PAWR: variants seen among roughly 807,000 people sequenced by gnomAD.
PAWR encodes PRKC apoptosis WT1 regulator protein.
PAWR carries 23 observed loss-of-function variants against 32.0 expected under a neutral mutation model. The ratio of observed to expected loss-of-function variants is 0.72; its 90% CI spans 0.52 to 1.02. The LOEUF is 1.02. PAWR is among the 50% of genes least tolerant of loss of function. The pLI is 0.00. For synonymous variants in PAWR, 226 were observed against 187.1 expected, an observed-to-expected ratio of 1.21 and a Z score of -1.70; for missense variants, 457 against 437.7, an observed-to-expected ratio of 1.04 and a Z score of -0.39.
At chr12:79,678,397 T>A (rs191062915) in intron 2 of PAWR, among the ~76,000 whole-genome samples, 2 of 152,358 alleles carry the variant, frequency 1.3e-5, no homozygotes, top group Admixed American at 1.3e-4. Flanking sequence ...TCACTCCCCA[T>A]CATGAATTTT....
chr12:79,679,276 A>G (rs1341012503), intron 2 of PAWR, among the ~76,000 whole-genome samples: 2 of 152,204 alleles, frequency 1.3e-5, no homozygotes, highest in African/African-American at 4.8e-5. Context: ...TTCTTATAAA[A>G]GAATCTATAA....
At chr12:79,635,199 A>C (rs1188306532) in intron 2 of PAWR, among the ~76,000 whole-genome samples, 1 of 152,082 alleles carries the variant, frequency 6.6e-6, no homozygotes, top group East Asian at 1.9e-4. Context: ...TCTCAACTGG[A>C]ACTTATTTAA....
intron 4 of PAWR, among the ~76,000 whole-genome samples, chr12:79,608,081 T>C (rs909868942): frequency 2.0e-5 from 3 of 151,836 alleles, no homozygotes; most frequent in African/African-American, 7.3e-5. Flanking sequence ...AAGTTCCATC[T>C]AGGAAAAAAA....
intron 2 of PAWR, among the ~76,000 whole-genome samples, chr12:79,622,529 T>C (rs1357959603): frequency 6.6e-6 from 1 of 152,080 alleles, no homozygotes; most frequent in African/African-American, 2.4e-5. Context: ...CATTGTTCAA[T>C]TCCCACCTAC....
intron 2 of PAWR, among the ~76,000 whole-genome samples, chr12:79,670,271 G>A (rs185462147): frequency 2.0e-5 from 3 of 152,222 alleles, no homozygotes; most frequent in Non-Finnish European, 4.4e-5. Context: ...TGCAAGTAAA[G>A]TTACTAAATT....
At chr12:79,601,271 T>C (rs1218184919) in intron 4 of PAWR, among the ~76,000 whole-genome samples, 2 of 143,216 alleles carry the variant, frequency 1.4e-5, no homozygotes, top group African/African-American at 2.6e-5. Flanking sequence ...CAGGCTGGAG[T>C]GCAGTGGACA....
At chr12:79,645,422 GA>G (rs1876529590) in intron 2 of PAWR, among the ~76,000 whole-genome samples, 1 of 152,096 alleles carries the variant, frequency 6.6e-6, no homozygotes, top group Admixed American at 6.5e-5. Flanking sequence ...AATGACACTG[GA>G]ACTGTCACTA....
intron 2 of PAWR, among the ~76,000 whole-genome samples, chr12:79,646,193 G>A (rs1021701809): frequency 1.3e-5 from 2 of 152,170 alleles, no homozygotes; most frequent in African/African-American, 2.4e-5. Flanking sequence ...ATGGGGGAAA[G>A]CTGGAGAAAT....
intron 2 of PAWR, among the ~76,000 whole-genome samples, chr12:79,662,201 C>CA (rs57565065): frequency 0.27 from 12,205 of 45,052 alleles, 2,387 homozygotes; most frequent in African/African-American, 0.49. Flanking sequence ...AGACATCTCT[C>CA]AAAAAAAAAA....
intron 4 of PAWR, among the ~76,000 whole-genome samples, chr12:79,605,415 T>C (rs1410591848): frequency 6.6e-6 from 1 of 152,146 alleles, no homozygotes; most frequent in African/African-American, 2.4e-5. Context: ...TATACATTCC[T>C]CATTATCATC....
At chr12:79,673,361 G>A (rs979968657) in intron 2 of PAWR, among the ~76,000 whole-genome samples, 25 of 152,078 alleles carry the variant, frequency 1.6e-4, no homozygotes, top group African/African-American at 4.8e-4. Flanking sequence ...GAGCCACCGC[G>A]CCCGGCCCTA....
intron 2 of PAWR, among the ~76,000 whole-genome samples, chr12:79,666,009 T>C (rs1877585464): frequency 6.6e-6 from 1 of 152,146 alleles, no homozygotes; most frequent in Non-Finnish European, 1.5e-5. Flanking sequence ...AAGCTTCCAA[T>C]CCTTTTTAGA....
chr12:79,628,400 T>A (rs562792152), intron 2 of PAWR, among the ~76,000 whole-genome samples: 1 of 151,824 alleles, frequency 6.6e-6, no homozygotes, highest in East Asian at 1.9e-4. Context: ...AATTAAAAGA[T>A]CTAGAAAAGC....
At chr12:79,613,302 A>T (rs1458517565) in intron 4 of PAWR, among the ~76,000 whole-genome samples, 1 of 152,216 alleles carries the variant, frequency 6.6e-6, no homozygotes, top group African/African-American at 2.4e-5. Context: ...TCAATGTTTA[A>T]ATACATGAGA....
intron 4 of PAWR, chr12:79,604,628 C>T (rs1448719446): frequency 1.3e-5 from 17 of 1,285,450 alleles, no homozygotes; most frequent in South Asian, 1.2e-4. Context: ...GGCTTCCATC[C>T]TTTTAGTATC....
At chr12:79,648,806 A>T (rs945051485) in intron 2 of PAWR, among the ~76,000 whole-genome samples, 1 of 147,168 alleles carries the variant, frequency 6.8e-6, no homozygotes, top group Admixed American at 6.6e-5. Flanking sequence ...AAAAAAAAAT[A>T]AAAAAACCCT....
At position 79,632,334 on chromosome 12, in the gene PAWR, TATATATATATATATATATA is replaced by T. The variant is rs1566010980; in HGVS notation, c.517-11146_517-11128del. On this transcript the variant is annotated intron_variant, in intron 2 of 6. Transcript: ENST00000328827. ...ATACATATATATATATATATATATA[TATATATATATATATATATA>T]TATATATATTTTTTTTTTTTTTTAG... is the stretch of plus-strand genomic sequence containing the variant. 2.7e-4 allele frequency among the ~76,000 whole-genome samples: 15 copies of T among 55,084 alleles called. 1 individual carries two copies. In the African/African-American group the frequency reaches 3.4e-3, roughly 12 times the overall value. The allele number at this position is 55,084 out of a possible 152,430, so 36.1% of individuals were successfully genotyped here.
chr12:79,677,971 C>T (rs567530972), intron 2 of PAWR, among the ~76,000 whole-genome samples: 2 of 152,292 alleles, frequency 1.3e-5, no homozygotes, highest in South Asian at 4.1e-4. Context: ...TCCCCACCTC[C>T]ACTCCATCTG....
At chr12:79,670,762 A>C (rs1344410919) in intron 2 of PAWR, among the ~76,000 whole-genome samples, 1 of 152,180 alleles carries the variant, frequency 6.6e-6, no homozygotes, top group Admixed American at 6.5e-5. Flanking sequence ...CTGAACTTCA[A>C]ATTTTAAGTG....
Sources: gnomAD v4.1 joint callset for allele counts (sites outside exome capture counted in the v4.1 genomes callset) on GRCh38, gnomAD v4.1.1 for gene constraint, MANE v1.5 for transcripts, NCBI Gene and HGNC (gene_info 2026-07-23, HGNC 2026-07-21) for gene names.